RAB40B: variants seen among roughly 807,000 people sequenced by gnomAD.
The protein encoded by RAB40B is ras-related protein Rab-40B.
RAB40B carries 21 observed loss-of-function variants against 24.0 expected under a neutral mutation model. The observed-to-expected ratio is 0.88, with a 90% CI of 0.62 to 1.26. The LOEUF is 1.26. Ranked by LOEUF, RAB40B falls within the 50% of genes most tolerant of loss-of-function variation. RAB40B has a pLI of 0.00. For synonymous variants in RAB40B, 167 were observed against 169.8 expected, an observed-to-expected ratio of 0.98 and a Z score of 0.13; for missense variants, 348 against 390.5, an observed-to-expected ratio of 0.89 and a Z score of 0.92.
rs1034628157 is a variant in RAB40B at position 82,655,000 on chromosome 17, TG to T, written c.*2862del. 6.6e-6 allele frequency: 1 copy of T among 152,186 alleles called. No homozygotes were observed. Among genetic ancestry groups the T allele is most frequent in the Non-Finnish European group, 1.5e-5 (1 of 68,040 alleles). 9.4% of individuals were successfully genotyped at this position (152,186 alleles called of 1,614,324 possible). ...AGGTTTAATTTATATTTATGTTTTT[TG>T]TATATTCACCACCCAAACACACAGT... On this transcript the variant is annotated 3_prime_UTR_variant, in exon 6 of 6. Coordinates refer to ENST00000571995, the MANE Select transcript of RAB40B (RefSeq NM_006822.3).
At chr17:82,674,775 T>G (rs1292213387) in intron 1 of RAB40B, among the ~76,000 whole-genome samples, 1 of 151,858 alleles carries the variant, frequency 6.6e-6, no homozygotes, top group Non-Finnish European at 1.5e-5. Flanking sequence ...TGGTTTGGAG[T>G]TGCTGCCGGC....
chr17:82,696,757 G>C (rs1390570790), intron 1 of RAB40B: 2 of 149,632 alleles, frequency 1.3e-5, no homozygotes, highest in Non-Finnish European at 3.0e-5. Flanking sequence ...CTCCAGCCCT[G>C]TCCTCCAGGC....
chr17:82,678,373 CTGAG>C (rs1416912078), intron 1 of RAB40B, among the ~76,000 whole-genome samples: 1 of 152,158 alleles, frequency 6.6e-6, no homozygotes, highest in African/African-American at 2.4e-5. Flanking sequence ...AGAATGTTCA[CTGAG>C]TGAGTCAGAA....
chr17:82,689,822 G>A (rs1257864720), intron 1 of RAB40B, among the ~76,000 whole-genome samples: 1 of 152,024 alleles, frequency 6.6e-6, no homozygotes, highest in Non-Finnish European at 1.5e-5. Flanking sequence ...CAAAAAATTA[G>A]CTGGACGTGA....
rs781213834 is a variant in RAB40B at position 82,657,682 on chromosome 17, A to G, written c.*181T>C. ...CATCGAAAACAAGAGCTTCATGCAC[A>G]TCCACGTAGAAATTCGAAGTCCGAC... On this transcript the variant is annotated 3_prime_UTR_variant, in exon 6 of 6. Transcript: ENST00000571995. The G allele has an allele frequency of 1.3e-6, 1 of 769,916 alleles. No homozygotes were observed. The highest frequency in any genetic ancestry group is 2.3e-6 in the Non-Finnish European group (1 of 432,592). The allele number at this position is 769,916 out of a possible 1,614,324, so 47.7% of individuals were successfully genotyped here.
intron 1 of RAB40B, among the ~76,000 whole-genome samples, chr17:82,674,270 C>T (rs957893084): frequency 1.3e-5 from 2 of 150,328 alleles, no homozygotes; most frequent in African/African-American, 4.9e-5. Flanking sequence ...GGCTGGGAGG[C>T]GGAGGTTGCA....
chr17:82,675,264 CAG>C lies in RAB40B; in HGVS notation c.143-10710_143-10709del. On this transcript the variant is annotated intron_variant, in intron 1 of 5. Transcript: ENST00000571995. This position sits in a 1 kb window ranked among gnomAD's most constrained non-coding sequence, Gnocchi z 4.5. Reference sequence around the variant, plus strand: ...TCACCATCATGACCAAAACTGGACTCAGTGTCTTCTTCAGCTGGCAGTTCCCA... The same window carrying C: ...TCACCATCATGACCAAAACTGGACTCTGTCTTCTTCAGCTGGCAGTTCCCA... 6.6e-6 allele frequency among the ~76,000 whole-genome samples: 1 copy of C among 152,322 alleles called. No homozygotes were observed. Among genetic ancestry groups the C allele is most frequent in the African/African-American group, 2.4e-5 (1 of 41,568 alleles).
At chr17:82,672,452 C>A (rs1568037345) in intron 1 of RAB40B, among the ~76,000 whole-genome samples, 1 of 152,202 alleles carries the variant, frequency 6.6e-6, no homozygotes. Flanking sequence ...GATGGATATT[C>A]CATTCTACAC....
Position 82,660,992 on chromosome 17 carries a change from C to T in RAB40B, c.259G>A (p.Ala87Thr), listed in dbSNP as rs2046164923. 8 of 1,613,806 alleles carry T rather than the reference C, an allele frequency of 5.0e-6. No individual in the cohort carries two copies. The highest frequency in any genetic ancestry group is 1.6e-4 in the Middle Eastern group (1 of 6,084). ...CTIFRSYSRG[A>T]QGVILVYDIA... ...CTCGGGGGATGCTGTGTTACCTGTGCGCCCCGGGAGTAGGAGCGGAATATG... is the reference window on the plus strand; with the variant it reads ...CTCGGGGGATGCTGTGTTACCTGTGTGCCCCGGGAGTAGGAGCGGAATATG... The change falls in exon 3 of 6, where the codon GCA becomes ACA. Residue 87 changes from alanine to threonine, a missense_variant. Ala to Thr is a moderately conservative substitution (Grantham distance 58). Around this residue, in one of 3 missense-constraint regions of RAB40B, gnomAD observed 126 missense variants for 181.0 expected, o/e 0.70. Transcript: ENST00000571995.
intron 1 of RAB40B, among the ~76,000 whole-genome samples, chr17:82,677,110 A>C (rs1324067917): frequency 6.6e-6 from 1 of 150,648 alleles, no homozygotes; most frequent in East Asian, 2.0e-4. Context: ...CACCACGCCC[A>C]GCTAATTTTT....
rs900013651 is a variant in RAB40B at position 82,663,054 on chromosome 17, G to A, written c.203+1442C>T. The stretch of plus-strand genomic sequence containing the variant: ...AGGAGGCAGCAAAGGCCCAGCTGGC[G>A]GAGGGTGGGGAGCAGGACAGGGGCT... On this transcript the variant is annotated intron_variant, in intron 2 of 5. Transcript: ENST00000571995. The surrounding 1 kb of genome is among the most constrained non-coding windows in gnomAD (Gnocchi z 6.2). Among the ~76,000 whole-genome samples, 4 of 152,172 alleles carry A rather than the reference G, an allele frequency of 2.6e-5. No homozygotes were observed. The highest frequency in any genetic ancestry group is 7.2e-5 in the African/African-American group (3 of 41,446).
rs201908639 is a variant in RAB40B at position 82,671,224 on chromosome 17, C to A, written c.143-6668G>T. ...AACTCTAACACACACTCACACGCTC[C>A]CTGTACTCACTGACACACCCCAACC... On this transcript the variant is annotated intron_variant, in intron 1 of 5. Transcript: ENST00000571995. 2.1e-3 allele frequency among the ~76,000 whole-genome samples: 314 copies of A among 151,276 alleles called. 3 individuals carry two copies. Among genetic ancestry groups the A allele is most frequent in the South Asian group, 0.02 (93 of 4,698 alleles).
At position 82,695,232 on chromosome 17, in the gene RAB40B, G is replaced by A. The variant is rs117796022; in HGVS notation, c.142+3223C>T. Among the ~76,000 whole-genome samples, 1,473 of 148,988 alleles carry A rather than the reference G, an allele frequency of 9.9e-3. 54 individuals are homozygous for A. The highest frequency in any genetic ancestry group is 0.037 in the East Asian group (191 of 5,138). ...TTTCGAGACAAAATCTCACTCTGTC[G>A]CTGGGCTGGAGTGCAATGGTGTGAT... On this transcript the variant is annotated intron_variant, in intron 1 of 5. Coordinates refer to ENST00000571995, the MANE Select transcript of RAB40B (RefSeq NM_006822.3).
chr17:82,682,932 C>G (rs2046460631), intron 1 of RAB40B, among the ~76,000 whole-genome samples: 1 of 152,154 alleles, frequency 6.6e-6, no homozygotes, highest in Non-Finnish European at 1.5e-5. Context: ...ATCATGAGGT[C>G]AGGAGATCGA....
chr17:82,688,231 AG>A (rs1189319252), intron 1 of RAB40B, among the ~76,000 whole-genome samples: 13 of 152,084 alleles, frequency 8.5e-5, no homozygotes, highest in Admixed American at 6.5e-5. Context: ...TATATTTCCT[AG>A]GCTGGTCTGA....
chr17:82,686,342 C>T (rs2046501780), intron 1 of RAB40B, among the ~76,000 whole-genome samples: 1 of 151,710 alleles, frequency 6.6e-6, no homozygotes, highest in South Asian at 2.1e-4. Flanking sequence ...GAACTCCTGA[C>T]CTCAAGTGAT....
At chr17:82,674,966 C>T (rs565314469) in intron 1 of RAB40B, among the ~76,000 whole-genome samples, 3 of 152,256 alleles carry the variant, frequency 2.0e-5, no homozygotes, top group South Asian at 2.1e-4. Flanking sequence ...CTCAACCTGC[C>T]GGCTGTGTGG....
Position 82,657,760 on chromosome 17 carries a change from A to T in RAB40B, c.*103T>A. On this transcript the variant is annotated 3_prime_UTR_variant, in exon 6 of 6. Coordinates refer to ENST00000571995, the MANE Select transcript of RAB40B (RefSeq NM_006822.3). ...GGCGTCGCACACATTCGCAAGCAGC[A>T]TTCGCCGAGAGGAACCGGGATCTGA... The T allele has an allele frequency of 7.3e-7, 1 of 1,377,078 alleles. No homozygotes were observed. Among genetic ancestry groups the T allele is most frequent in the East Asian group, 2.3e-5 (1 of 43,700 alleles). 85.3% of individuals were successfully genotyped at this position (1,377,078 alleles called of 1,614,324 possible).
In RAB40B at chr17:82,657,633, A is replaced by C; in HGVS notation, c.*230T>G. ...CATGTTACCAAGAGTCGAGCAGAGT[A>C]CTAATTTTCCCTTTACAAACACACA... On this transcript the variant is annotated 3_prime_UTR_variant, in exon 6 of 6. Coordinates refer to ENST00000571995, the MANE Select transcript of RAB40B (RefSeq NM_006822.3). 2 of 662,464 alleles carry C rather than the reference A, an allele frequency of 3.0e-6. No homozygotes were observed. Among genetic ancestry groups the C allele is most frequent in the Non-Finnish European group, 2.8e-6 (1 of 358,818 alleles). The allele number at this position is 662,464 out of a possible 1,614,324, so 41.0% of individuals were successfully genotyped here.
Sources: gnomAD v4.1 joint callset for allele counts (sites outside exome capture counted in the v4.1 genomes callset) on GRCh38, gnomAD v4.1.1 for gene constraint, gnomAD v4.1.1 regional missense constraint, Gnocchi (gnomAD v3.1) non-coding constraint, MANE v1.5 for transcripts, NCBI Gene and HGNC (gene_info 2026-07-23, HGNC 2026-07-21) for gene names.